The following ASTN2 variants were observed in gnomAD, a reference collection of about 807,000 sequenced individuals.
ASTN2 encodes astrotactin-2.
Under a neutral mutation model 139.8 loss-of-function variants are expected in ASTN2, and 54 were observed. That is an observed-to-expected ratio of 0.39 (90% confidence interval 0.31 to 0.48). The LOEUF (loss-of-function observed/expected upper bound fraction) is 0.48. Among genes scored for constraint, ASTN2 ranks in the 20% least tolerant of loss-of-function variants. ASTN2 has a pLI of 0.95. For synonymous variants in ASTN2, 756 were observed against 719.5 expected, an observed-to-expected ratio of 1.05 and a Z score of -0.81; for missense variants, 1,565 against 1,725.1, an observed-to-expected ratio of 0.91 and a Z score of 1.64.
chr9:116,870,505 C>G (rs758080141), intron 10 of ASTN2, among the ~76,000 whole-genome samples: 2 of 152,138 alleles, frequency 1.3e-5, no homozygotes, highest in African/African-American at 4.8e-5. Flanking sequence ...CTTTGGCCTC[C>G]CAGCAGCTGT....
intron 12 of ASTN2, among the ~76,000 whole-genome samples, chr9:116,807,531 A>G (rs1156811687): frequency 6.6e-6 from 1 of 152,248 alleles, no homozygotes; most frequent in Non-Finnish European, 1.5e-5. Context: ...CCTGTCTCAG[A>G]GCCTTGGTAA....
intron 3 of ASTN2, among the ~76,000 whole-genome samples, chr9:117,176,630 G>T (rs983982012): frequency 2.0e-5 from 3 of 152,172 alleles, no homozygotes; most frequent in Admixed American, 2.0e-4. Flanking sequence ...GGAAAGATCA[G>T]CGCTAAAATT....
intron 10 of ASTN2, among the ~76,000 whole-genome samples, chr9:116,938,240 T>C (rs924967711): frequency 1.8e-5 from 1 of 56,660 alleles, no homozygotes. Context: ...GTCAGTGCCA[T>C]GAAGCACTGT....
At chr9:116,930,473 A>C (rs149736124) in intron 10 of ASTN2, among the ~76,000 whole-genome samples, 1 of 152,144 alleles carries the variant, frequency 6.6e-6, no homozygotes, top group Non-Finnish European at 1.5e-5. Flanking sequence ...ATGGCACCCA[A>C]GATTGGGTAC....
At chr9:117,266,220 G>C (rs1471750287) in intron 2 of ASTN2, among the ~76,000 whole-genome samples, 2 of 152,086 alleles carry the variant, frequency 1.3e-5, no homozygotes, top group African/African-American at 4.8e-5. Flanking sequence ...ACAGCCAAGG[G>C]AAACATCTAT....
chr9:116,904,786 C>T (rs1432626900), intron 10 of ASTN2, among the ~76,000 whole-genome samples: 2 of 152,118 alleles, frequency 1.3e-5, no homozygotes, highest in African/African-American at 4.8e-5. Context: ...AACAGGATTA[C>T]AAAAATAAAC....
intron 11 of ASTN2, among the ~76,000 whole-genome samples, chr9:116,838,706 C>T (rs1832096649): frequency 6.6e-6 from 1 of 151,500 alleles, no homozygotes; most frequent in Non-Finnish European, 1.5e-5. Context: ...ATTATGATTA[C>T]AGGCGTGAGC....
intron 12 of ASTN2, among the ~76,000 whole-genome samples, chr9:116,807,060 T>C (rs991886385): frequency 2.0e-5 from 3 of 152,228 alleles, no homozygotes; most frequent in Non-Finnish European, 2.9e-5. Flanking sequence ...TTGTCTATTT[T>C]TGTCTCCTCC....
chr9:117,080,950 C>T (rs1479824458), intron 5 of ASTN2, among the ~76,000 whole-genome samples: 1 of 152,172 alleles, frequency 6.6e-6, no homozygotes, highest in African/African-American at 2.4e-5. Flanking sequence ...ACATCACACC[C>T]AAATGTAATG....
chr9:117,318,460 A>C (rs543626703), intron 1 of ASTN2, among the ~76,000 whole-genome samples: 1 of 152,292 alleles, frequency 6.6e-6, no homozygotes, highest in South Asian at 2.1e-4. Context: ...GGTTAATCTT[A>C]GGCTTTTCTT....
At chr9:116,655,707 A>G (rs1293933481) in intron 16 of ASTN2, among the ~76,000 whole-genome samples, 2 of 151,940 alleles carry the variant, frequency 1.3e-5, no homozygotes, top group Non-Finnish European at 2.9e-5. Flanking sequence ...TTTTTTTTAT[A>G]TATATACAGC....
At chr9:116,942,613 T>C (rs2132471645) in intron 10 of ASTN2, among the ~76,000 whole-genome samples, 1 of 152,322 alleles carries the variant, frequency 6.6e-6, no homozygotes, top group South Asian at 2.1e-4. Context: ...GCTGCTCATG[T>C]GCATGTGTGC....
intron 5 of ASTN2, among the ~76,000 whole-genome samples, chr9:117,075,635 C>T (rs1564414632): frequency 6.6e-6 from 1 of 152,112 alleles, no homozygotes; most frequent in Non-Finnish European, 1.5e-5. Flanking sequence ...GGAGTACACC[C>T]TTTTCTAGTG....
chr9:116,651,574 C>T lies in ASTN2; in HGVS notation c.3026G>A (p.Arg1009His), dbSNP rs147163004. The T allele has an allele frequency of 1.1e-4, 176 of 1,614,174 alleles. No homozygotes were observed. Among genetic ancestry groups the T allele is most frequent in the Non-Finnish European group, 1.0e-4 (123 of 1,180,024 alleles). Residue 1009 changes from arginine (R) to histidine (H), a missense_variant, in exon 17 of 23, where the codon CGT (arginine) becomes CAT (histidine). Arg to His is a conservative substitution (Grantham distance 29, BLOSUM62 0). Coordinates refer to ENST00000313400, the MANE Select transcript of ASTN2 (RefSeq NM_001365068.1). ...GATGAGGGTATAAAGTGGCACCACA[C>T]GGTTGATTTCCAGCAGCACTGGTGT... Reference protein sequence around the residue: ...SPTPVLLEINRVVPLYTLIQD... With the variant: ...SPTPVLLEINHVVPLYTLIQD...
Position 117,402,418 on chromosome 9 carries a change from G to A in ASTN2, c.442+12079C>T, listed in dbSNP as rs943727546. ...CAGGGTTAGCTGACTGAAAGGATGAGAGGCAAGGAAAACGATGAAGAATGA... is the reference window on the plus strand; with the variant it reads ...CAGGGTTAGCTGACTGAAAGGATGAAAGGCAAGGAAAACGATGAAGAATGA... On this transcript the variant is annotated intron_variant, in intron 1 of 22. Coordinates refer to ENST00000313400, the MANE Select transcript of ASTN2 (RefSeq NM_001365068.1). Among the ~76,000 whole-genome samples, 7 of 152,316 alleles carry A rather than the reference G, an allele frequency of 4.6e-5. No homozygotes were observed. The South Asian group carries it at 8.3e-4, about 18-fold the overall frequency.
intron 1 of ASTN2, among the ~76,000 whole-genome samples, chr9:117,307,595 G>C (rs543355540): frequency 6.6e-6 from 1 of 152,188 alleles, no homozygotes; most frequent in African/African-American, 2.4e-5. Flanking sequence ...TGTACATCAT[G>C]CATGCTCCAT....
At chr9:116,841,679 TTCTGAG>T (rs1228664070) in intron 11 of ASTN2, among the ~76,000 whole-genome samples, 1 of 152,174 alleles carries the variant, frequency 6.6e-6, no homozygotes, top group African/African-American at 2.4e-5. Flanking sequence ...GCCCTGGCTG[TTCTGAG>T]TCTCAGTTTC....
intron 7 of ASTN2, among the ~76,000 whole-genome samples, chr9:117,001,290 T>C (rs1371365661): frequency 6.6e-6 from 1 of 152,204 alleles, no homozygotes; most frequent in Non-Finnish European, 1.5e-5. Context: ...TAAGCCACTT[T>C]TGACATATCA....
chr9:116,512,906 G>C (rs550030065), intron 19 of ASTN2, among the ~76,000 whole-genome samples: 1 of 152,266 alleles, frequency 6.6e-6, no homozygotes, highest in Non-Finnish European at 1.5e-5. Flanking sequence ...CTGCACATGA[G>C]ATGGGTATCC....
Sources: allele counts gnomAD v4.1 joint callset (sites outside exome capture counted in the v4.1 genomes callset), GRCh38; gene constraint gnomAD v4.1.1; transcripts MANE v1.5; gene names NCBI Gene and HGNC (gene_info 2026-07-23, HGNC 2026-07-21).